TRIM55: variants seen among roughly 807,000 people sequenced by gnomAD.
TRIM55 encodes the protein tripartite motif-containing protein 55.
Under a neutral mutation model 60.9 loss-of-function variants are expected in TRIM55, and 50 were observed. The observed-to-expected ratio is 0.82, with a 90% confidence interval of 0.65 to 1.04. TRIM55 has a LOEUF of 1.04. Ranked by LOEUF, TRIM55 falls within the 50% of genes least tolerant of loss-of-function variation. The probability of loss-of-function intolerance (pLI) is 0.00; values close to 1 mark genes in which losing one functional copy is unlikely to be tolerated. For synonymous variants in TRIM55, 237 were observed against 238.1 expected (o/e 1.00, Z 0.04); for missense variants, 681 against 666.9 (o/e 1.02, Z -0.23).
intron 9 of TRIM55, among the ~76,000 whole-genome samples, chr8:66,158,092 A>G (rs985825320): frequency 2.0e-5 from 3 of 150,490 alleles, no homozygotes; most frequent in African/African-American, 7.3e-5. Flanking sequence ...GCTCTGGCTG[A>G]TACTTGAGCT....
At chr8:66,161,848 A>T (rs1355678630) in intron 9 of TRIM55, among the ~76,000 whole-genome samples, 1 of 149,760 alleles carries the variant, frequency 6.7e-6, no homozygotes, top group East Asian at 2.0e-4. Flanking sequence ...TAGCAGAGCT[A>T]CTGATTTGTG....
chr8:66,127,513 G>A, intron 1 of TRIM55, 77 bp downstream of exon 1: 6 of 1,538,548 alleles, frequency 3.9e-6, no homozygotes, highest in African/African-American at 2.7e-5. Flanking sequence ...GCTTAACATT[G>A]AGGTGAAATC....
At position 66,128,477 on chromosome 8, in the gene TRIM55, G is replaced by T; in HGVS notation, c.341+1G>T. 1.2e-6 allele frequency: 2 copies of T among 1,611,570 alleles called. No individual in the cohort carries two copies. The highest frequency in any genetic ancestry group is 1.7e-6 in the Non-Finnish European group (2 of 1,179,062). ...ACATCTACAAGCAGGAGTCCACCAG[G>T]TAACACTCTTCCACTCTTCCATGTG... On this transcript the variant is annotated splice_donor_variant, in intron 2 of 9. Transcript: ENST00000315962. LOFTEE classifies it high-confidence loss of function.
chr8:66,148,169 G>A (rs1341458248), intron 4 of TRIM55, among the ~76,000 whole-genome samples: 1 of 152,086 alleles, frequency 6.6e-6, no homozygotes, highest in Non-Finnish European at 1.5e-5. Flanking sequence ...TGGCATACAT[G>A]CACACCAAGC....
intron 7 of TRIM55, among the ~76,000 whole-genome samples, chr8:66,151,776 G>A (rs1246597715): frequency 3.3e-5 from 5 of 151,888 alleles, no homozygotes; most frequent in Non-Finnish European, 5.9e-5. Context: ...CCCAGGAAGC[G>A]GAGGTTCCAG....
chr8:66,148,350 T>C (rs1374048581), intron 4 of TRIM55, among the ~76,000 whole-genome samples: 1 of 152,230 alleles, frequency 6.6e-6, no homozygotes, highest in East Asian at 1.9e-4. Context: ...TCCAAGAGCA[T>C]AGACCAGATA....
At chr8:66,137,529 CTG>C (rs1489335970) in intron 4 of TRIM55, among the ~76,000 whole-genome samples, 2 of 152,186 alleles carry the variant, frequency 1.3e-5, no homozygotes, top group Non-Finnish European at 2.9e-5. Flanking sequence ...GAAATCCAAA[CTG>C]TCTTAGGAAA....
intron 9 of TRIM55, among the ~76,000 whole-genome samples, chr8:66,159,922 G>C (rs1421687160): frequency 6.6e-6 from 1 of 152,094 alleles, no homozygotes; most frequent in East Asian, 1.9e-4. Context: ...ATGTGTTCTG[G>C]ATAAAACTTC....
At chr8:66,159,241 T>C (rs73249991) in intron 9 of TRIM55, among the ~76,000 whole-genome samples, 4,132 of 152,340 alleles carry the variant, frequency 0.027, 171 homozygotes, top group African/African-American at 0.093. Flanking sequence ...TTGATTGTCA[T>C]TGTAGTTCTG....
intron 2 of TRIM55, among the ~76,000 whole-genome samples, chr8:66,133,568 A>G (rs1489631188): frequency 6.6e-6 from 1 of 152,236 alleles, no homozygotes; most frequent in Non-Finnish European, 1.5e-5. Context: ...CATGGAAAGC[A>G]TATTGCTGCA....
intron 4 of TRIM55, among the ~76,000 whole-genome samples, chr8:66,144,449 G>C (rs1343700974): frequency 1.3e-5 from 2 of 152,186 alleles, no homozygotes; most frequent in African/African-American, 4.8e-5. Context: ...TGTCCTAGCA[G>C]ACCCAGGAGG....
chr8:66,167,642 T>C (rs1811397938), intron 9 of TRIM55, among the ~76,000 whole-genome samples: 1 of 152,164 alleles, frequency 6.6e-6, no homozygotes, highest in Non-Finnish European at 1.5e-5. Flanking sequence ...TCCGATTTTC[T>C]CTTAGCAAGA....
intron 4 of TRIM55, among the ~76,000 whole-genome samples, chr8:66,139,379 G>C (rs1277205585): frequency 2.6e-5 from 4 of 152,178 alleles, no homozygotes; most frequent in Non-Finnish European, 5.9e-5. Context: ...TTTGATTCTT[G>C]AGCAAATGCA....
rs1163070406 is a variant in TRIM55 at position 66,149,897 on chromosome 8, C to T, written c.837+19C>T. The stretch of plus-strand genomic sequence containing the variant: ...TCTGCAGGTAAGTCTCTTTTTGGCA[C>T]CAAAGTAACAACCCAAAAGGTGGGT... On this transcript the variant is annotated intron_variant, in intron 5 of 9. Transcript: ENST00000315962. 29 of 1,587,510 alleles carry T rather than the reference C, an allele frequency of 1.8e-5. No homozygotes were observed. The highest frequency in any genetic ancestry group is 2.3e-5 in the Non-Finnish European group (27 of 1,156,594).
chr8:66,134,799 G>A (rs1381290604), intron 2 of TRIM55, among the ~76,000 whole-genome samples, 191 bp from the exon 3 acceptor site: 1 of 152,096 alleles, frequency 6.6e-6, no homozygotes, highest in African/African-American at 2.4e-5. Context: ...GCACTCCCCT[G>A]CTACACCTGC....
intron 2 of TRIM55, among the ~76,000 whole-genome samples, chr8:66,133,293 T>C (rs1360953457): frequency 1.3e-5 from 2 of 152,204 alleles, no homozygotes; most frequent in Non-Finnish European, 2.9e-5. Context: ...TACTGTCCAT[T>C]TAATAGGTCA....
Position 66,149,649 on chromosome 8 carries a change from G to A in TRIM55, c.608G>A (p.Cys203Tyr). 1 of 1,613,022 alleles carries A rather than the reference G, an allele frequency of 6.2e-7. No individual in the cohort carries two copies. The highest frequency in any genetic ancestry group is 8.5e-7 in the Non-Finnish European group (1 of 1,179,036). ...ATTAGCTAACCCAACTAATAGGAAT[G>A]TTGCAGAAAACAGAAACAAGAGCTT... ...LEDTCKTIEE[C>Y]CRKQKQELCE... The change falls in exon 5 of 10, where the codon TGT becomes TAT. Residue 203 changes from cysteine (C) to tyrosine (Y), a missense_variant. Coordinates refer to ENST00000315962, the MANE Select transcript of TRIM55 (RefSeq NM_184085.2).
At chr8:66,132,319 G>A (rs1432618886) in intron 2 of TRIM55, among the ~76,000 whole-genome samples, 1 of 152,164 alleles carries the variant, frequency 6.6e-6, no homozygotes. Context: ...CAGGTGTGGT[G>A]GCAGGCACCT....
chr8:66,115,661 A>G, the TRIM55 span, among the ~76,000 whole-genome samples: 16 of 152,244 alleles, frequency 1.1e-4, 1 homozygote, highest in Admixed American at 9.8e-4. Context: ...GCTCAAAGGT[A>G]CAAATCAGGA....
Sources: allele counts gnomAD v4.1 joint callset (sites outside exome capture counted in the v4.1 genomes callset), GRCh38; gene constraint gnomAD v4.1.1; transcripts MANE v1.5; gene names NCBI Gene and HGNC (gene_info 2026-07-23, HGNC 2026-07-21).